Variants in IQCM observed in about 807,000 individuals in gnomAD.
The protein encoded by IQCM is IQ motif containing M.
Under a neutral mutation model 57.6 loss-of-function variants are expected in IQCM, and 45 were observed. The ratio of observed to expected loss-of-function variants is 0.78; its 90% CI spans 0.62 to 1.00. IQCM has a LOEUF of 1.00. IQCM is among the 50% of genes least tolerant of loss of function. The probability of loss-of-function intolerance (pLI) is 0.00; values close to 1 mark genes in which losing one functional copy is unlikely to be tolerated. For synonymous variants in IQCM, 148 were observed against 158.9 expected (o/e 0.93, Z 0.51); for missense variants, 468 against 511.6 (o/e 0.91, Z 0.82).
At chr4:149,748,220 G>A (rs1375596110) in intron 2 of IQCM, among the ~76,000 whole-genome samples, 1 of 151,978 alleles carries the variant, frequency 6.6e-6, no homozygotes, top group Non-Finnish European at 1.5e-5. Flanking sequence ...TTCAACCCCA[G>A]CACTCCAAGT....
chr4:149,633,020 G>A lies in IQCM; in HGVS notation c.566-11776C>T, dbSNP rs550833207. On this transcript the variant is annotated intron_variant, in intron 7 of 13. Coordinates refer to ENST00000636793, the MANE Select transcript of IQCM (RefSeq NM_001363507.2). Reference sequence around the variant, plus strand: ...ACTAAAAATACAAAAAATTAGCCGGGCGCGGTGGCGGGCGCCTGTAGTCCC... The same window carrying A: ...ACTAAAAATACAAAAAATTAGCCGGACGCGGTGGCGGGCGCCTGTAGTCCC... 1.3e-3 allele frequency among the ~76,000 whole-genome samples: 189 copies of A among 149,088 alleles called. 2 individuals are homozygous for A. Among genetic ancestry groups the A allele is most frequent in the African/African-American group, 4.6e-3 (181 of 39,520 alleles).
At chr4:149,510,138 A>T (rs1025002925) in intron 12 of IQCM, among the ~76,000 whole-genome samples, 2 of 152,170 alleles carry the variant, frequency 1.3e-5, no homozygotes, top group African/African-American at 4.8e-5. Context: ...ATCCTTGTTA[A>T]CACCAGAAAT....
chr4:149,451,187 C>T (rs993818470), intron 12 of IQCM, among the ~76,000 whole-genome samples: 3 of 150,946 alleles, frequency 2.0e-5, no homozygotes, highest in Admixed American at 1.3e-4. Context: ...CCAGAGGCTG[C>T]GAAGGGAAGG....
At chr4:149,352,204 C>G (rs921660530) in intron 13 of IQCM, 138 bp from the exon 14 acceptor site, 1 of 392,710 alleles carries the variant, frequency 2.5e-6, no homozygotes, top group East Asian at 3.6e-5. Context: ...GACTTGGGCT[C>G]ATTTCCTTCG....
intron 13 of IQCM, among the ~76,000 whole-genome samples, chr4:149,368,493 C>G (rs899743545): frequency 1.3e-5 from 2 of 151,734 alleles, no homozygotes; most frequent in East Asian, 3.9e-4. Context: ...TGTTAGAAAC[C>G]TTTGGATCCT....
chr4:149,799,403 G>A (rs1158571478), intron 2 of IQCM, among the ~76,000 whole-genome samples: 1 of 151,150 alleles, frequency 6.6e-6, no homozygotes, highest in African/African-American at 2.4e-5. Context: ...AAAAACTTCA[G>A]ATAATCTAAT....
At chr4:149,671,024 T>A (rs1761226493) in intron 7 of IQCM, among the ~76,000 whole-genome samples, 1 of 151,892 alleles carries the variant, frequency 6.6e-6, no homozygotes, top group Admixed American at 6.6e-5. Flanking sequence ...GAGGATTCCC[T>A]CTTTTTCTGT....
At chr4:149,501,697 T>C (rs2149792845) in intron 12 of IQCM, among the ~76,000 whole-genome samples, 1 of 152,190 alleles carries the variant, frequency 6.6e-6, no homozygotes, top group East Asian at 1.9e-4. Context: ...ATTAGAAACA[T>C]CAGGAAGAAG....
At chr4:149,793,986 G>A (rs981696690) in intron 2 of IQCM, among the ~76,000 whole-genome samples, 6 of 152,182 alleles carry the variant, frequency 3.9e-5, no homozygotes, top group African/African-American at 9.6e-5. Context: ...AAGCAGAGTG[G>A]CCAGAAAACT....
rs1200467901 is a variant in IQCM at position 149,615,844 on chromosome 4, G to C, written c.681+5285C>G. On this transcript the variant is annotated intron_variant, in intron 8 of 13. Coordinates refer to ENST00000636793, the MANE Select transcript of IQCM (RefSeq NM_001363507.2). ...TTCCACTCCTCTTTTAACAAGGCAGGCTTCTCTGTTTTGAGTTTTCCCAGT... is the reference window on the plus strand; with the variant it reads ...TTCCACTCCTCTTTTAACAAGGCAGCCTTCTCTGTTTTGAGTTTTCCCAGT... 2.0e-5 allele frequency among the ~76,000 whole-genome samples: 3 copies of C among 152,114 alleles called. No individual in the cohort carries two copies. The East Asian group carries it at 5.8e-4, about 29-fold the overall frequency.
intron 12 of IQCM, among the ~76,000 whole-genome samples, chr4:149,545,955 C>A (rs145335378): frequency 0.024 from 3,620 of 152,174 alleles, 105 homozygotes; most frequent in South Asian, 0.15. Context: ...TCTCCTAATG[C>A]TATTCCTCCC....
At chr4:149,390,243 T>A (rs1407331955) in intron 13 of IQCM, among the ~76,000 whole-genome samples, 3 of 152,028 alleles carry the variant, frequency 2.0e-5, no homozygotes, top group Non-Finnish European at 4.4e-5. Context: ...AGTTCCTTAA[T>A]TTTGTTGTTT....
chr4:149,590,247 C>CTTTTTTTTTTTTTTTTTTTTTTTTCT (rs71596214), intron 8 of IQCM, among the ~76,000 whole-genome samples: 7 of 73,602 alleles, frequency 9.5e-5, no homozygotes, highest in Non-Finnish European at 1.3e-4. Flanking sequence ...TTTTTCTTTC[C>CTTTTTTTTTTTTTTTTTTTTTTTTCT]TTTTTTTTTT....
intron 5 of IQCM, among the ~76,000 whole-genome samples, chr4:149,687,441 A>T (rs947152684): frequency 2.0e-5 from 3 of 151,658 alleles, no homozygotes; most frequent in South Asian, 4.1e-4. Context: ...ATATAAATTT[A>T]AAAACAATAT....
chr4:149,722,492 A>G (rs1170255692), intron 5 of IQCM, among the ~76,000 whole-genome samples: 5 of 152,074 alleles, frequency 3.3e-5, no homozygotes, highest in African/African-American at 4.8e-5. Context: ...ATCCAGTTTC[A>G]TTCTTCTACA....
intron 7 of IQCM, among the ~76,000 whole-genome samples, chr4:149,635,205 G>A (rs952080714): frequency 1.3e-5 from 2 of 152,184 alleles, no homozygotes; most frequent in African/African-American, 4.8e-5. Flanking sequence ...GCATTATAAA[G>A]TGCAAGGAGG....
intron 7 of IQCM, among the ~76,000 whole-genome samples, chr4:149,664,739 C>T (rs1181345386): frequency 1.3e-5 from 2 of 152,138 alleles, no homozygotes; most frequent in African/African-American, 4.8e-5. Flanking sequence ...TGCTGCCAGA[C>T]TGACTGTCTG....
chr4:149,591,915 G>C (rs780118570), intron 8 of IQCM, among the ~76,000 whole-genome samples: 4 of 152,108 alleles, frequency 2.6e-5, no homozygotes, highest in African/African-American at 9.7e-5. Context: ...ATAAACATAC[G>C]TGTACATGTG....
chr4:149,464,615 C>T lies in IQCM; in HGVS notation c.1229-31058G>A, dbSNP rs184576396. On this transcript the variant is annotated intron_variant, in intron 12 of 13. Coordinates refer to ENST00000636793, the MANE Select transcript of IQCM (RefSeq NM_001363507.2). The stretch of plus-strand genomic sequence containing the variant: ...ATGTACCTCCAAGTATTGTTTTTGA[C>T]GGGACCTTTTGAGACCTTTTGACCT... Among the ~76,000 whole-genome samples the T allele has an allele frequency of 3.3e-4, 50 of 152,170 alleles. No individual in the cohort carries two copies. The East Asian group carries it at 4.5e-3, about 14-fold the overall frequency.
Sources: gnomAD v4.1 joint callset for allele counts (sites outside exome capture counted in the v4.1 genomes callset) on GRCh38, gnomAD v4.1.1 for gene constraint, MANE v1.5 for transcripts, NCBI Gene and HGNC (gene_info 2026-07-23, HGNC 2026-07-21) for gene names.